UGT2B17: variants seen among roughly 807,000 people sequenced by gnomAD.
The protein encoded by UGT2B17 is UDP glucuronosyltransferase family 2 member B17, also known as UDP-glucuronosyltransferase 2B17.
UGT2B17 carries 21 observed loss-of-function variants against 48.2 expected under a neutral mutation model. That is an observed-to-expected ratio of 0.44 (90% confidence interval 0.31 to 0.63). The LOEUF is 0.63. Among genes scored for constraint, UGT2B17 ranks in the 20% least tolerant of loss-of-function variants. The pLI is 0.08. For synonymous variants in UGT2B17, 146 were observed against 238.4 expected (o/e 0.61, Z 3.57); for missense variants, 402 against 696.1 (o/e 0.58, Z 4.75).
rs1368679934 is a variant in UGT2B17, at chr4:68,553,646, G to C, written c.1006-1735C>G. Among the ~76,000 whole-genome samples, 2 of 126,020 alleles carry C rather than the reference G, an allele frequency of 1.6e-5. 1 individual carries two copies. The highest frequency in any genetic ancestry group is 5.4e-5 in the African/African-American group (2 of 37,010). 82.7% of individuals were successfully genotyped at this position (126,020 alleles called of 152,430 possible). A position where few individuals can be genotyped will look rare whatever the true frequency, so the allele number is the denominator to read the frequency against. ...CCTTGGCGTGTGTAATGGCAGACGA[G>C]TTACAAAGTAGAGGGTGGCTGAGTA... On this transcript the variant is annotated intron_variant, in intron 4 of 6. Transcript: ENST00000317746.
chr4:68,540,555 G>C (rs1173417847), intron 6 of UGT2B17, among the ~76,000 whole-genome samples: 3 of 126,622 alleles, frequency 2.4e-5, no homozygotes, highest in Non-Finnish European at 3.4e-5. Flanking sequence ...TCGATCTCTT[G>C]ACCTCGTGAT....
At position 68,538,050 on chromosome 4, in the gene UGT2B17, T is replaced by C; in HGVS notation, c.1314-146A>G. The C allele has an allele frequency of 6.3e-6, 4 of 635,408 alleles. 2 individuals carry two copies. The highest frequency in any genetic ancestry group is 8.4e-6 in the Non-Finnish European group (4 of 474,248). The allele number at this position is 635,408 out of a possible 1,614,324, so 39.4% of individuals were successfully genotyped here. A position where few individuals can be genotyped will look rare whatever the true frequency, so the allele number is the denominator to read the frequency against. On this transcript the variant is annotated intron_variant, in intron 6 of 6. Transcript: ENST00000317746. ...GACATAAAATATTAATGTTTTAATGTATGTCATTACAGAAAGTTTGGTTTT... is the reference window on the plus strand; with the variant it reads ...GACATAAAATATTAATGTTTTAATGCATGTCATTACAGAAAGTTTGGTTTT...
chr4:68,562,800 T>C lies in UGT2B17; in HGVS notation c.874-2132A>G, dbSNP rs1329354564. Among the ~76,000 whole-genome samples the C allele has an allele frequency of 8.7e-5, 11 of 126,536 alleles. 3 individuals carry two copies. The highest frequency in any genetic ancestry group is 1.7e-4 in the Non-Finnish European group (10 of 59,642). The allele number at this position is 126,536 out of a possible 152,430, so 83.0% of individuals were successfully genotyped here. A position where few individuals can be genotyped will look rare whatever the true frequency, so the allele number is the denominator to read the frequency against. ...TATAACTCAATGTACATATGTGATGTTTATTTAGAAAATTTTTTCTCATTG... is the reference window on the plus strand; with the variant it reads ...TATAACTCAATGTACATATGTGATGCTTATTTAGAAAATTTTTTCTCATTG... On this transcript the variant is annotated intron_variant, in intron 3 of 6. Coordinates refer to ENST00000317746, the MANE Select transcript of UGT2B17 (RefSeq NM_001077.4).
intron 6 of UGT2B17, among the ~76,000 whole-genome samples, chr4:68,550,402 G>T (rs1413459644): frequency 8.0e-6 from 1 of 124,750 alleles, no homozygotes; most frequent in Admixed American, 8.3e-5. Context: ...TTTCTATTGT[G>T]TATTCTATCA....
intron 6 of UGT2B17, among the ~76,000 whole-genome samples, chr4:68,545,166 A>G (rs1398458497): frequency 7.9e-6 from 1 of 126,324 alleles, no homozygotes; most frequent in Non-Finnish European, 1.7e-5. Flanking sequence ...CTGACCACAT[A>G]GTTGGAAGTA....
intron 6 of UGT2B17, among the ~76,000 whole-genome samples, chr4:68,546,833 C>A (rs1423408231): frequency 8.1e-6 from 1 of 123,400 alleles, no homozygotes; most frequent in Admixed American, 8.4e-5. Flanking sequence ...ACAATTGCTT[C>A]AAAGAGAATA....
At chr4:68,572,503 T>A (rs1412212025) in intron 1 of UGT2B17, among the ~76,000 whole-genome samples, 2 of 126,314 alleles carry the variant, frequency 1.6e-5, no homozygotes, top group African/African-American at 5.4e-5. Flanking sequence ...GTCCGTGATA[T>A]TAGTGTTAGT....
chr4:68,541,527 G>A (rs1730656079), intron 6 of UGT2B17, among the ~76,000 whole-genome samples: 1 of 125,882 alleles, frequency 7.9e-6, no homozygotes. Flanking sequence ...TAAGTTACTT[G>A]TAGATTCTGG....
At chr4:68,575,031 G>C (rs1254015842) in intron 1 of UGT2B17, among the ~76,000 whole-genome samples, 1 of 120,230 alleles carries the variant, frequency 8.3e-6, no homozygotes, top group African/African-American at 2.9e-5. Flanking sequence ...ACTGTCTAAG[G>C]CCACAAGATT....
At position 68,545,222 on chromosome 4, in the gene UGT2B17, A is replaced by G. The variant is rs1490646214; in HGVS notation, c.1313+5455T>C. The stretch of plus-strand genomic sequence containing the variant: ...AAAAGAACAGAAATTATAACAAACT[A>G]TCTCTCAGACCACAGTGCAATCAAA... On this transcript the variant is annotated intron_variant, in intron 6 of 6. Coordinates refer to ENST00000317746, the MANE Select transcript of UGT2B17 (RefSeq NM_001077.4). Among the ~76,000 whole-genome samples the G allele has an allele frequency of 7.1e-5, 9 of 125,940 alleles. 1 individual carries two copies. Among genetic ancestry groups the G allele is most frequent in the Non-Finnish European group, 1.0e-4 (6 of 59,436 alleles). 82.6% of individuals were successfully genotyped at this position (125,940 alleles called of 152,430 possible). A position where few individuals can be genotyped will look rare whatever the true frequency, so the allele number is the denominator to read the frequency against.
Position 68,537,421 on chromosome 4 carries a change from T to C in UGT2B17, c.*204A>G, listed in dbSNP as rs1017244962. 1.7e-5 allele frequency: 7 copies of C among 414,344 alleles called. 2 individuals carry two copies. The highest frequency in any genetic ancestry group is 6.3e-5 in the African/African-American group (3 of 47,274). 25.7% of individuals were successfully genotyped at this position (414,344 alleles called of 1,614,324 possible). On this transcript the variant is annotated 3_prime_UTR_variant, in exon 7 of 7. Transcript: ENST00000317746. ...CCATAAGGTTTTATATTATTATTTTTCATAGCTTAAAAATCATTGACATAG... is the reference window on the plus strand; with the variant it reads ...CCATAAGGTTTTATATTATTATTTTCCATAGCTTAAAAATCATTGACATAG...
chr4:68,556,212 G>C (rs1201431126), intron 4 of UGT2B17, among the ~76,000 whole-genome samples: 4 of 123,594 alleles, frequency 3.2e-5, no homozygotes, highest in Non-Finnish European at 6.8e-5. Flanking sequence ...CTAAATAATT[G>C]GTTAGAACAA....
rs1266635377 is a variant in UGT2B17, at chr4:68,554,693, A to G, written c.1006-2782T>C. Among the ~76,000 whole-genome samples the G allele has an allele frequency of 4.8e-5, 6 of 125,416 alleles. 2 individuals carry two copies. Among genetic ancestry groups the G allele is most frequent in the Non-Finnish European group, 3.4e-5 (2 of 59,280 alleles). The allele number at this position is 125,416 out of a possible 152,430, so 82.3% of individuals were successfully genotyped here. The stretch of plus-strand genomic sequence containing the variant: ...CATTTTATTTTCCTTCTAGCACACC[A>G]ATTTTTTTCTCTGTGTACATTATGA... On this transcript the variant is annotated intron_variant, in intron 4 of 6. Coordinates refer to ENST00000317746, the MANE Select transcript of UGT2B17 (RefSeq NM_001077.4).
chr4:68,550,559 T>C (rs2109765450), intron 6 of UGT2B17, 118 bp downstream of exon 6: 1 of 770,292 alleles, frequency 1.3e-6, no homozygotes, highest in South Asian at 5.0e-5. Flanking sequence ...AGATTTTACA[T>C]TGGTTAAATC....
intron 1 of UGT2B17, among the ~76,000 whole-genome samples, chr4:68,573,743 T>G (rs1176215449): frequency 7.9e-6 from 1 of 126,476 alleles, no homozygotes; most frequent in Non-Finnish European, 1.7e-5. Flanking sequence ...ACACATCTGC[T>G]CAGGGATGAA....
Position 68,565,856 on chromosome 4 carries a change from AAT to A in UGT2B17, c.725-138_725-137del, listed in dbSNP as rs1165887394. 7 of 524,454 alleles carry A rather than the reference AAT, an allele frequency of 1.3e-5. No homozygotes were observed. In the African/African-American group the frequency reaches 1.5e-4, roughly 11 times the overall value. The allele number at this position is 524,454 out of a possible 1,614,324, so 32.5% of individuals were successfully genotyped here. On this transcript the variant is annotated intron_variant, in intron 2 of 6. Transcript: ENST00000317746. ...ATATATAAAATGTCTGCACATTGATAATATATATAAATACATTTATATAATAT... is the reference window on the plus strand; with the variant it reads ...ATATATAAAATGTCTGCACATTGATAATATATAAATACATTTATATAATAT...
In UGT2B17 at chr4:68,576,097, A is replaced by G. The variant is rs7440558; in HGVS notation, c.-211T>C. Among the ~76,000 whole-genome samples, 119,425 of 123,266 alleles carry G rather than the reference A, an allele frequency of 0.97. 58,690 individuals are homozygous for G. The highest frequency in any genetic ancestry group is 1 in the East Asian group (1,244 of 1,244). The allele number at this position is 123,266 out of a possible 152,430, so 80.9% of individuals were successfully genotyped here. A position where few individuals can be genotyped will look rare whatever the true frequency, so the allele number is the denominator to read the frequency against. ...TACCCAGGAGCGCTCTTTGGATCTC[A>G]TCACTCAGGCTGCCCGGAGTACCCC... On this transcript the variant is annotated 5_prime_UTR_variant, in exon 1 of 7. An upstream start codon of the reference 5' UTR is lost. Coordinates refer to ENST00000317746, the MANE Select transcript of UGT2B17 (RefSeq NM_001077.4).
At chr4:68,547,843 C>T (rs1730845447) in intron 6 of UGT2B17, among the ~76,000 whole-genome samples, 1 of 126,638 alleles carries the variant, frequency 7.9e-6, no homozygotes, top group Non-Finnish European at 1.7e-5. Context: ...CATCGCTGGC[C>T]ATCAGAGAAA....
chr4:68,568,421 T>A lies in UGT2B17; in HGVS notation c.64A>T (p.Ser22Cys). 7.3e-7 allele frequency: 1 copy of A among 1,370,060 alleles called. No individual in the cohort carries two copies. The highest frequency in any genetic ancestry group is 9.5e-7 in the Non-Finnish European group (1 of 1,052,942). The allele number at this position is 1,370,060 out of a possible 1,614,324, so 84.9% of individuals were successfully genotyped here. A position where few individuals can be genotyped will look rare whatever the true frequency, so the allele number is the denominator to read the frequency against. The part of the protein sequence containing the change: ...MQLSCYFSSG[S>C]CGKVLVWPTE... ...GGCCACACCAGCACCTTTCCACAAC[T>A]CCCAGAGCTAAAGTAACAACTGAGC... Residue 22 changes from serine (S) to cysteine (C), a missense_variant, in exon 2 of 7, where the codon AGT (serine) becomes TGT (cysteine). Transcript: ENST00000317746.
Sources: gnomAD v4.1 joint callset for allele counts (sites outside exome capture counted in the v4.1 genomes callset) on GRCh38, gnomAD v4.1.1 for gene constraint, MANE v1.5 for transcripts, NCBI Gene and HGNC (gene_info 2026-07-23, HGNC 2026-07-21) for gene names.